Variants in TOGARAM2 observed in about 807,000 individuals in gnomAD.
The protein encoded by TOGARAM2 is TOG array regulator of axonemal microtubules 2.
TOGARAM2 carries 85 observed loss-of-function variants against 93.3 expected under a neutral mutation model. That is an observed-to-expected ratio of 0.91 (90% confidence interval 0.76 to 1.09). The LOEUF is 1.09. Ranked by LOEUF, TOGARAM2 falls within the 50% of genes least tolerant of loss-of-function variation. The pLI is 0.00. For missense variants in TOGARAM2, 1,277 were observed against 1,334.5 expected, an observed-to-expected ratio of 0.96 and a Z score of 0.67; for synonymous variants, 593 against 552.8, an observed-to-expected ratio of 1.07 and a Z score of -1.02.
intron 1 of TOGARAM2, among the ~76,000 whole-genome samples, chr2:28,967,342 G>C (rs968120738): frequency 9.2e-5 from 14 of 152,144 alleles, no homozygotes. Flanking sequence ...ATGCATGGTG[G>C]AGTGCACCTG....
chr2:29,022,379 C>A, intron 11 of TOGARAM2, 71 bp downstream of exon 11: 3 of 1,555,278 alleles, frequency 1.9e-6, no homozygotes, highest in East Asian at 2.3e-5. Context: ...AGCTTCTGCC[C>A]CTCAACTTCC....
At chr2:29,001,295 G>A (rs920965384) in intron 4 of TOGARAM2, among the ~76,000 whole-genome samples, 1 of 152,118 alleles carries the variant, frequency 6.6e-6, no homozygotes, top group Non-Finnish European at 1.5e-5. Context: ...GGAGGGGAGC[G>A]AGTGTGCAGG....
chr2:28,959,521 A>AG (rs1243215127), intron 1 of TOGARAM2, among the ~76,000 whole-genome samples: 1 of 152,272 alleles, frequency 6.6e-6, no homozygotes, highest in East Asian at 1.9e-4. Context: ...TGGAAGGCCG[A>AG]GGGGGGCGGA....
chr2:29,051,938 C>T lies in TOGARAM2; in HGVS notation c.2905C>T (p.Leu969=). 3 of 1,605,676 alleles carry T rather than the reference C, an allele frequency of 1.9e-6. No individual in the cohort carries two copies. The highest frequency in any genetic ancestry group is 2.5e-6 in the Non-Finnish European group (3 of 1,176,514). ...SLQEHMGSRL[L]DFAASQPKHV... is the part of the protein sequence containing the mutation. The stretch of plus-strand genomic sequence containing the variant: ...CCAGGAGCACATGGGCTCCCGCCTG[C>T]TGGACTTTGCCGCCAGCCAGCCAAA... Residue 969 remains leucine (L), a synonymous_variant, in exon 20 of 20, where the codon CTG becomes TTG. Coordinates refer to ENST00000379558, the MANE Select transcript of TOGARAM2 (RefSeq NM_199280.4).
At chr2:29,020,670 G>A (rs1479969660) in intron 10 of TOGARAM2, among the ~76,000 whole-genome samples, 3 of 152,204 alleles carry the variant, frequency 2.0e-5, no homozygotes, top group Non-Finnish European at 4.4e-5. Context: ...AGGCGAGGAA[G>A]GGGGGCAGCA....
chr2:28,997,520 T>C (rs997169928), intron 2 of TOGARAM2, among the ~76,000 whole-genome samples: 2 of 152,176 alleles, frequency 1.3e-5, no homozygotes, highest in Non-Finnish European at 2.9e-5. Context: ...CACTACTGTC[T>C]CACTGCACAG....
chr2:29,010,818 AATAAGT>A (rs1328500686), intron 6 of TOGARAM2, among the ~76,000 whole-genome samples: 5 of 152,180 alleles, frequency 3.3e-5, no homozygotes, highest in Non-Finnish European at 7.3e-5. Flanking sequence ...ATATCTGTTG[AATAAGT>A]AAATGGTGCT....
At chr2:29,003,842 G>T (rs1673462973) in intron 6 of TOGARAM2, among the ~76,000 whole-genome samples, 160 bp downstream of exon 6, 1 of 152,226 alleles carries the variant, frequency 6.6e-6, no homozygotes, top group Non-Finnish European at 1.5e-5. Context: ...CACAGACCTA[G>T]GGAGGTCCCA....
chr2:29,032,788 A>G, intron 14 of TOGARAM2, 146 bp from the exon 15 acceptor site: 1 of 622,362 alleles, frequency 1.6e-6, no homozygotes, highest in Non-Finnish European at 2.8e-6. Flanking sequence ...TTATTAATCT[A>G]TTTTTTAACT....
Position 29,007,317 on chromosome 2 carries a change from A to G in TOGARAM2, c.830+3635A>G, listed in dbSNP as rs554404932. Among the ~76,000 whole-genome samples, 153 of 152,206 alleles carry G rather than the reference A, an allele frequency of 1.0e-3. 1 individual carries two copies. The highest frequency in any genetic ancestry group is 3.4e-3 in the African/African-American group (143 of 41,516). On this transcript the variant is annotated intron_variant, in intron 6 of 19. Coordinates refer to ENST00000379558, the MANE Select transcript of TOGARAM2 (RefSeq NM_199280.4). ...TTGTGCCACCATCATGGCAACAAGG[A>G]CCACCTCGTGTTTCCCCAAACCACC...
chr2:28,991,167 C>T (rs142480348), intron 1 of TOGARAM2, among the ~76,000 whole-genome samples: 108 of 152,258 alleles, frequency 7.1e-4, no homozygotes, highest in African/African-American at 2.4e-3. Context: ...CTTGTTAGGA[C>T]ATTTTTTTCA....
At chr2:29,011,610 T>C in intron 7 of TOGARAM2, 109 bp downstream of exon 7, 2 of 1,115,122 alleles carry the variant, frequency 1.8e-6, no homozygotes, top group Non-Finnish European at 2.5e-6. Flanking sequence ...CTCTTGTGTC[T>C]GGGCCCTTCA....
At chr2:29,049,320 A>G (rs1291178245) in intron 19 of TOGARAM2, 2 of 152,226 alleles carry the variant, frequency 1.3e-5, no homozygotes, top group Non-Finnish European at 2.9e-5. Context: ...TTCCTTTTGA[A>G]GGCTGAAAAA....
At chr2:29,023,311 A>G (rs1665097787) in intron 12 of TOGARAM2, 120 bp downstream of exon 12, 2 of 799,212 alleles carry the variant, frequency 2.5e-6, no homozygotes, top group Non-Finnish European at 4.0e-6. Context: ...CTTATTTCTC[A>G]GCCTTCAGCC....
Position 29,023,052 on chromosome 2 carries a change from C to T in TOGARAM2, c.1512-34C>T, listed in dbSNP as rs140147752. 1.3e-4 allele frequency: 197 copies of T among 1,553,420 alleles called. No individual in the cohort carries two copies. In the East Asian group the frequency reaches 4.6e-3, roughly 36 times the overall value. On this transcript the variant is annotated intron_variant, in intron 11 of 19. Transcript: ENST00000379558. ...GAGGGGTGGGGCTCCTCCCTCTCCACCCTTCTGCAACAGGGCCTGGCCTTG... is the reference window on the plus strand; with the variant it reads ...GAGGGGTGGGGCTCCTCCCTCTCCATCCTTCTGCAACAGGGCCTGGCCTTG...
intron 2 of TOGARAM2, among the ~76,000 whole-genome samples, chr2:28,997,244 A>C (rs1673037369): frequency 6.6e-6 from 1 of 152,234 alleles, no homozygotes; most frequent in African/African-American, 2.4e-5. Flanking sequence ...AACTCAAACA[A>C]CTCAGTAACA....
intron 1 of TOGARAM2, among the ~76,000 whole-genome samples, chr2:28,976,151 A>T (rs186009391): frequency 4.7e-4 from 71 of 152,322 alleles, no homozygotes; most frequent in African/African-American, 1.7e-3. Context: ...TGGATGGATC[A>T]CGAGGTCAGG....
rs1664691049 is a variant in TOGARAM2 at position 29,017,928 on chromosome 2, G to A, written c.1332G>A (p.Gln444=). The change falls in exon 10 of 20, where the codon CAG becomes CAA. Residue 444 remains glutamine, a synonymous_variant. Transcript: ENST00000379558. ...TGCCCAGCATCCCCATCAGCCGGCAGGAGCCCCGCTTTGCCCGCCACGCCT... is the reference window on the plus strand; with the variant it reads ...TGCCCAGCATCCCCATCAGCCGGCAAGAGCCCCGCTTTGCCCGCCACGCCT... ...ASLPSIPISR[Q]EPRFARHASA... is the part of the protein sequence containing the mutation. The A allele has an allele frequency of 6.2e-7, 1 of 1,608,368 alleles. No homozygotes were observed. Among genetic ancestry groups the A allele is most frequent in the Non-Finnish European group, 8.5e-7 (1 of 1,177,238 alleles).
Position 29,021,562 on chromosome 2 carries a change from G to A in TOGARAM2, c.1361-596G>A, listed in dbSNP as rs148075144. ...CTGGGAAGGAGAGCCTAGAAAACAC[G>A]ACAACCTGTTTGTTGTGGGTCCCTG... On this transcript the variant is annotated intron_variant, in intron 10 of 19. Transcript: ENST00000379558. Among the ~76,000 whole-genome samples the A allele has an allele frequency of 5.7e-3, 864 of 152,326 alleles. 10 individuals are homozygous for A. Among genetic ancestry groups the A allele is most frequent in the African/African-American group, 0.02 (818 of 41,560 alleles).
Sources: allele counts gnomAD v4.1 joint callset (sites outside exome capture counted in the v4.1 genomes callset), GRCh38; gene constraint gnomAD v4.1.1; transcripts MANE v1.5; gene names NCBI Gene and HGNC (gene_info 2026-07-23, HGNC 2026-07-21).